The following ARHGEF10L variants were observed in gnomAD, a reference collection of about 807,000 sequenced individuals.
ARHGEF10L encodes the protein Rho guanine nucleotide exchange factor 10 like.
ARHGEF10L carries 69 observed loss-of-function variants against 141.2 expected under a neutral mutation model. The observed-to-expected ratio is 0.49, with a 90% confidence interval of 0.40 to 0.60. The LOEUF (loss-of-function observed/expected upper bound fraction) is 0.60. Ranked by LOEUF, ARHGEF10L falls within the 20% of genes least tolerant of loss-of-function variation. The probability of loss-of-function intolerance (pLI) is 0.00; values close to 1 mark genes in which losing one functional copy is unlikely to be tolerated. For missense variants in ARHGEF10L, 1,482 were observed against 1,734.3 expected (o/e 0.85, Z 2.58); for synonymous variants, 711 against 718.5 (o/e 0.99, Z 0.17).
At chr1:17,695,573 T>C (rs1488145156) in intron 28 of ARHGEF10L, among the ~76,000 whole-genome samples, 6 of 152,224 alleles carry the variant, frequency 3.9e-5, no homozygotes, top group South Asian at 4.1e-4. Context: ...TTTCTGCTGC[T>C]TCCCATAGCA....
chr1:17,596,365 C>T (rs989109839), intron 4 of ARHGEF10L, among the ~76,000 whole-genome samples: 5 of 152,188 alleles, frequency 3.3e-5, no homozygotes, highest in Admixed American at 6.5e-5. Context: ...GTTTCCGAGG[C>T]GGGCGGTGAC....
intron 1 of ARHGEF10L, among the ~76,000 whole-genome samples, chr1:17,555,148 T>C (rs2077259794): frequency 6.6e-6 from 1 of 152,206 alleles, no homozygotes; most frequent in Admixed American, 6.5e-5. Context: ...TTTAAGCAGA[T>C]TCTGAAATTG....
intron 27 of ARHGEF10L, among the ~76,000 whole-genome samples, chr1:17,693,622 T>C (rs1443008301): frequency 1.3e-5 from 2 of 152,116 alleles, no homozygotes; most frequent in African/African-American, 2.4e-5. Flanking sequence ...ACTCACCAGG[T>C]GGGGGACCTC....
chr1:17,587,339 A>AT (rs35506830), intron 2 of ARHGEF10L, 121 bp from the exon 3 acceptor site: 1 of 1,020,644 alleles, frequency 9.8e-7, no homozygotes, highest in Non-Finnish European at 1.4e-6. Flanking sequence ...GATGGCTCTC[A>AT]TTCCCTGGCT....
At chr1:17,549,859 C>T (rs747600613) in intron 1 of ARHGEF10L, among the ~76,000 whole-genome samples, 3 of 152,202 alleles carry the variant, frequency 2.0e-5, no homozygotes, top group Non-Finnish European at 2.9e-5. Flanking sequence ...GATGTGGAAG[C>T]ACTTGACTCA....
chr1:17,639,114 C>A lies in ARHGEF10L; in HGVS notation c.2171+425C>A, dbSNP rs999302451. 5.3e-5 allele frequency among the ~76,000 whole-genome samples: 8 copies of A among 152,210 alleles called. No individual in the cohort carries two copies. Among genetic ancestry groups the A allele is most frequent in the Non-Finnish European group, 7.3e-5 (5 of 68,038 alleles). On this transcript the variant is annotated intron_variant, in intron 20 of 28. Coordinates refer to ENST00000361221, the MANE Select transcript of ARHGEF10L (RefSeq NM_018125.4). This position sits in a 1 kb window ranked among gnomAD's most constrained non-coding sequence, Gnocchi z 4.3. ...CACCACAGGAGCTGTGCACAGTAGA[C>A]CCCAACTGAGGTTTGTGGAACTGAT...
chr1:17,659,454 G>A (rs557278508), intron 25 of ARHGEF10L, among the ~76,000 whole-genome samples: 1 of 152,268 alleles, frequency 6.6e-6, no homozygotes, highest in East Asian at 1.9e-4. Context: ...CACCTGGTCC[G>A]TGACCAGCTG....
At chr1:17,657,116 C>T (rs760645544) in intron 25 of ARHGEF10L, among the ~76,000 whole-genome samples, 13 of 152,118 alleles carry the variant, frequency 8.5e-5, no homozygotes, top group Admixed American at 2.6e-4. Context: ...GAGGGTTAGA[C>T]AACTCCATGA....
intron 23 of ARHGEF10L, 26 bp from the exon 24 acceptor site, chr1:17,655,853 T>C (rs1487233576): frequency 6.5e-7 from 1 of 1,545,850 alleles, no homozygotes; most frequent in Admixed American, 2.0e-5. Flanking sequence ...TCCCACCTGA[T>C]GGCCTCTCTG....
At chr1:17,643,128 A>AT (rs1222714514) in intron 21 of ARHGEF10L, among the ~76,000 whole-genome samples, 5 of 151,940 alleles carry the variant, frequency 3.3e-5, no homozygotes, top group Admixed American at 3.3e-4. Flanking sequence ...TTTTGCCAGT[A>AT]TTTTTTTTCT....
At chr1:17,608,346 G>A (rs929623188) in intron 7 of ARHGEF10L, among the ~76,000 whole-genome samples, 1 of 152,216 alleles carries the variant, frequency 6.6e-6, no homozygotes, top group African/African-American at 2.4e-5. Flanking sequence ...TTGCTTAGAG[G>A]TGGAGCCTGG....
At position 17,627,438 on chromosome 1, in the gene ARHGEF10L, G is replaced by A; in HGVS notation, c.1519G>A (p.Ala507Thr). Residue 507 changes from alanine to threonine, a missense_variant, in exon 15 of 29, where the codon GCT (alanine) becomes ACT (threonine). Coordinates refer to ENST00000361221, the MANE Select transcript of ARHGEF10L (RefSeq NM_018125.4). This position sits in a 1 kb window ranked among gnomAD's most constrained non-coding sequence, Gnocchi z 4.0. ...GAAGCTGAACGAGCAGAAGCGGCTG[G>A]CTGACCAGGTGGCTGAGATCCAGCA... ...AEKLNEQKRL[A>T]DQVAEIQQLT... 2 of 1,613,624 alleles carry A rather than the reference G, an allele frequency of 1.2e-6. No homozygotes were observed. The highest frequency in any genetic ancestry group is 1.7e-4 in the Middle Eastern group (1 of 5,752).
At chr1:17,556,279 GGGGCCTGGGAGCACAGGGC>G (rs1301445980) in intron 1 of ARHGEF10L, among the ~76,000 whole-genome samples, 77 of 107,490 alleles carry the variant, frequency 7.2e-4, no homozygotes, top group Non-Finnish European at 9.3e-4. Context: ...CGGCGGGGGG[GGGGCCTGGGAGCACAGGGC>G]GGGCCTGGGA....
At chr1:17,581,789 G>A (rs1343965762) in intron 2 of ARHGEF10L, among the ~76,000 whole-genome samples, 1 of 151,760 alleles carries the variant, frequency 6.6e-6, no homozygotes, top group Admixed American at 6.6e-5. Flanking sequence ...ATCATCGTGG[G>A]TGTCAGCAGG....
chr1:17,690,284 C>T (rs945686208), intron 27 of ARHGEF10L, among the ~76,000 whole-genome samples: 1 of 152,210 alleles, frequency 6.6e-6, no homozygotes, highest in Non-Finnish European at 1.5e-5. Flanking sequence ...CTCCTGGAAT[C>T]CCTCCCCTGT....
At chr1:17,569,543 G>A (rs923227918) in intron 1 of ARHGEF10L, among the ~76,000 whole-genome samples, 3 of 152,160 alleles carry the variant, frequency 2.0e-5, no homozygotes, top group Non-Finnish European at 4.4e-5. Flanking sequence ...GAGCTCCCTC[G>A]TGGGACAGAG....
chr1:17,563,563 G>A (rs1570487389), intron 1 of ARHGEF10L, among the ~76,000 whole-genome samples: 2 of 152,146 alleles, frequency 1.3e-5, no homozygotes, highest in Admixed American at 6.5e-5. Flanking sequence ...GTTCACTGAT[G>A]TGTCCCAAGT....
chr1:17,663,836 C>G (rs2062796600), intron 25 of ARHGEF10L, among the ~76,000 whole-genome samples: 1 of 152,184 alleles, frequency 6.6e-6, no homozygotes, highest in Admixed American at 6.5e-5. Context: ...GTAGCAGAAC[C>G]AGGGCCAGAC....
At position 17,657,112 on chromosome 1, in the gene ARHGEF10L, T is replaced by C. The variant is rs116734031; in HGVS notation, c.2860+404T>C. On this transcript the variant is annotated intron_variant, in intron 25 of 28. Coordinates refer to ENST00000361221, the MANE Select transcript of ARHGEF10L (RefSeq NM_018125.4). Reference sequence around the variant, plus strand: ...CCACCACTCATGGGTCCTGGAGGGTTAGACAACTCCATGAGGGCAAAGCAC... The same window carrying C: ...CCACCACTCATGGGTCCTGGAGGGTCAGACAACTCCATGAGGGCAAAGCAC... Among the ~76,000 whole-genome samples the C allele has an allele frequency of 2.6e-3, 395 of 152,234 alleles. 2 individuals are homozygous for C. Among genetic ancestry groups the C allele is most frequent in the African/African-American group, 9.2e-3 (382 of 41,536 alleles).
Sources: gnomAD v4.1 joint callset for allele counts (sites outside exome capture counted in the v4.1 genomes callset) on GRCh38, gnomAD v4.1.1 for gene constraint, Gnocchi (gnomAD v3.1) non-coding constraint, MANE v1.5 for transcripts, NCBI Gene and HGNC (gene_info 2026-07-23, HGNC 2026-07-21) for gene names.